Variants in SAMD4A observed in about 807,000 individuals in gnomAD.
SAMD4A encodes the protein protein Smaug homolog 1.
In SAMD4A, 33 loss-of-function variants were observed where a neutral mutation model predicts 81.3. That is an observed-to-expected ratio of 0.41 (90% CI 0.31 to 0.54). SAMD4A has a LOEUF of 0.54. Among genes scored for constraint, SAMD4A ranks in the 20% least tolerant of loss-of-function variants. The probability of loss-of-function intolerance (pLI) is 0.37; values close to 1 mark genes in which losing one functional copy is unlikely to be tolerated. For synonymous variants in SAMD4A, 389 were observed against 382.1 expected, an observed-to-expected ratio of 1.02 and a Z score of -0.21; for missense variants, 854 against 951.1, an observed-to-expected ratio of 0.90 and a Z score of 1.34.
chr14:54,686,874 T>A (rs900848858), intron 2 of SAMD4A, among the ~76,000 whole-genome samples: 2 of 152,226 alleles, frequency 1.3e-5, no homozygotes, highest in Non-Finnish European at 2.9e-5. Context: ...AATGTACTTA[T>A]GTCATTTTGA....
chr14:54,696,312 T>C (rs1192893229), intron 2 of SAMD4A, among the ~76,000 whole-genome samples: 1 of 152,220 alleles, frequency 6.6e-6, no homozygotes, highest in African/African-American at 2.4e-5. Context: ...CACTTTTGAG[T>C]TGTGCAGAGT....
intron 2 of SAMD4A, among the ~76,000 whole-genome samples, chr14:54,640,027 A>G (rs1378266651): frequency 7.0e-6 from 1 of 143,700 alleles, no homozygotes; most frequent in African/African-American, 2.9e-5. Context: ...ATGTTTGATA[A>G]AAAAAAAAAT....
chr14:54,789,112 A>G lies in SAMD4A; in HGVS notation c.*168A>G, dbSNP rs576669933. The G allele has an allele frequency of 4.3e-6, 3 of 692,312 alleles. No homozygotes were observed. Among genetic ancestry groups the G allele is most frequent in the Middle Eastern group, 2.4e-4 (1 of 4,134 alleles). 42.9% of individuals were successfully genotyped at this position (692,312 alleles called of 1,614,324 possible). On this transcript the variant is annotated 3_prime_UTR_variant, in exon 13 of 13. Transcript: ENST00000554335. ...GAGAGCGTAGGTCATCCTCGTAAAC[A>G]TATCAGTAGACCTGGGGTTGGTTAT...
In SAMD4A at chr14:54,737,280, G is replaced by A; in HGVS notation, c.972G>A (p.Gly324=). The change falls in exon 4 of 13, where the codon GGG becomes GGA. Residue 324 remains glycine, a synonymous_variant. Coordinates refer to ENST00000554335, the MANE Select transcript of SAMD4A (RefSeq NM_015589.6). ...ARNTFQEEGS[G]MKDVPAWLKS... is the part of the protein sequence containing the mutation. ...ACACATTCCAAGAAGAAGGTAGTGG[G>A]ATGAAAGGTGAGTGACTAAATGAGA... The A allele has an allele frequency of 6.2e-7, 1 of 1,614,050 alleles. No homozygotes were observed. The highest frequency in any genetic ancestry group is 8.5e-7 in the Non-Finnish European group (1 of 1,179,972).
intron 6 of SAMD4A, among the ~76,000 whole-genome samples, chr14:54,757,290 T>G (rs1027937305): frequency 6.6e-6 from 1 of 152,140 alleles, no homozygotes; most frequent in Non-Finnish European, 1.5e-5. Context: ...TGGCTTGATG[T>G]CTATGAGGGG....
At chr14:54,713,678 A>C (rs191708525) in intron 3 of SAMD4A, among the ~76,000 whole-genome samples, 1 of 152,270 alleles carries the variant, frequency 6.6e-6, no homozygotes. Context: ...GCCCAGCAAA[A>C]CCCATATGGA....
At chr14:54,616,394 A>C (rs2034493149) in intron 2 of SAMD4A, among the ~76,000 whole-genome samples, 1 of 152,174 alleles carries the variant, frequency 6.6e-6, no homozygotes, top group African/African-American at 2.4e-5. Flanking sequence ...ATACTAATAC[A>C]CTACTCTTAT....
At position 54,710,667 on chromosome 14, in the gene SAMD4A, G is replaced by A. The variant is rs148706900; in HGVS notation, c.715+8087G>A. The stretch of plus-strand genomic sequence containing the variant: ...CTTCCGTGGTCTCCACAGCCCACAG[G>A]TATGAGACCCTGCCTGAATTGCCCC... On this transcript the variant is annotated intron_variant, in intron 3 of 12. Transcript: ENST00000554335. Among the ~76,000 whole-genome samples, 558 of 152,196 alleles carry A rather than the reference G, an allele frequency of 3.7e-3. 1 individual carries two copies. Among genetic ancestry groups the A allele is most frequent in the African/African-American group, 0.012 (513 of 41,524 alleles).
At position 54,746,925 on chromosome 14, in the gene SAMD4A, C is replaced by T. The variant is rs186372690; in HGVS notation, c.980-1890C>T. On this transcript the variant is annotated intron_variant, in intron 4 of 12. Transcript: ENST00000554335. Reference sequence around the variant, plus strand: ...TGAAAGCCAAAGCTGTAGTTAAAATCAGTGCCGCTCACTCTGCAGAAGCAT... The same window carrying T: ...TGAAAGCCAAAGCTGTAGTTAAAATTAGTGCCGCTCACTCTGCAGAAGCAT... 1.9e-3 allele frequency among the ~76,000 whole-genome samples: 295 copies of T among 152,320 alleles called. 1 individual carries two copies. The highest frequency in any genetic ancestry group is 2.2e-3 in the Non-Finnish European group (150 of 68,030).
intron 2 of SAMD4A, among the ~76,000 whole-genome samples, chr14:54,586,861 T>C (rs577597924): frequency 6.0e-4 from 91 of 152,330 alleles, no homozygotes; most frequent in Admixed American, 1.8e-3. Flanking sequence ...GGTAATGTGA[T>C]TCCTCCAGAT....
At chr14:54,694,697 G>A (rs2036535459) in intron 2 of SAMD4A, 3 of 985,482 alleles carry the variant, frequency 3.0e-6, no homozygotes, top group Middle Eastern at 1.0e-3. Flanking sequence ...GGAATGGCCA[G>A]CCTCAGACCT....
At chr14:54,711,030 T>C (rs1288648350) in intron 3 of SAMD4A, among the ~76,000 whole-genome samples, 1 of 152,202 alleles carries the variant, frequency 6.6e-6, no homozygotes, top group Non-Finnish European at 1.5e-5. Context: ...GCAACCACTA[T>C]AATTCAATAA....
At chr14:54,760,077 G>C in intron 6 of SAMD4A, 84 bp from the exon 7 acceptor site, 1 of 1,395,782 alleles carries the variant, frequency 7.2e-7, no homozygotes. Flanking sequence ...TCCTGTAAGA[G>C]CTCAGGGCAG....
At chr14:54,621,537 T>A (rs1036036981) in intron 2 of SAMD4A, among the ~76,000 whole-genome samples, 4 of 151,660 alleles carry the variant, frequency 2.6e-5, no homozygotes, top group Admixed American at 6.6e-5. Flanking sequence ...TTTTTTGGTA[T>A]TTTTAGTAGA....
At chr14:54,644,603 T>C (rs1343418783) in intron 2 of SAMD4A, among the ~76,000 whole-genome samples, 1 of 152,206 alleles carries the variant, frequency 6.6e-6, no homozygotes, top group Non-Finnish European at 1.5e-5. Flanking sequence ...TCCAAGACCC[T>C]TCCATCACTG....
intron 2 of SAMD4A, among the ~76,000 whole-genome samples, chr14:54,584,538 G>C (rs2033563764): frequency 6.6e-6 from 1 of 152,142 alleles, no homozygotes; most frequent in Non-Finnish European, 1.5e-5. Context: ...TCAGTACAGT[G>C]CTTAACACAC....
intron 2 of SAMD4A, among the ~76,000 whole-genome samples, chr14:54,633,013 T>G (rs764917112): frequency 6.6e-6 from 1 of 152,310 alleles, no homozygotes; most frequent in African/African-American, 2.4e-5. Context: ...ATGTACAAGT[T>G]TATATTTAGA....
At chr14:54,608,015 C>CAAAAA (rs765121682) in intron 2 of SAMD4A, among the ~76,000 whole-genome samples, 19 of 60,692 alleles carry the variant, frequency 3.1e-4, no homozygotes, top group African/African-American at 1.0e-3. Context: ...GACTCCGTCT[C>CAAAAA]AAAAAAAAAA....
intron 2 of SAMD4A, among the ~76,000 whole-genome samples, chr14:54,631,321 A>T (rs1053094140): frequency 1.3e-5 from 2 of 152,226 alleles, no homozygotes; most frequent in Non-Finnish European, 2.9e-5. Flanking sequence ...TCAGAATAAC[A>T]TATGGCCAAA....
Sources: allele counts gnomAD v4.1 joint callset (sites outside exome capture counted in the v4.1 genomes callset), GRCh38; gene constraint gnomAD v4.1.1; transcripts MANE v1.5; gene names NCBI Gene and HGNC (gene_info 2026-07-23, HGNC 2026-07-21).